The following CAPZA1 variants were observed in gnomAD, a reference collection of about 807,000 sequenced individuals.
The protein encoded by CAPZA1 is capping actin protein of muscle Z-line subunit alpha 1.
A neutral mutation model predicts 40.8 loss-of-function variants in CAPZA1; 10 were observed. That is an observed-to-expected ratio of 0.25 (90% confidence interval 0.15 to 0.42). The LOEUF is 0.42. Ranked by LOEUF, CAPZA1 falls within the 10% of genes least tolerant of loss-of-function variation. The probability of loss-of-function intolerance (pLI) is 1.00; values close to 1 mark genes in which losing one functional copy is unlikely to be tolerated. For synonymous variants in CAPZA1, 98 were observed against 115.0 expected, an observed-to-expected ratio of 0.85 and a Z score of 0.95; for missense variants, 277 against 353.8, an observed-to-expected ratio of 0.78 and a Z score of 1.74.
intron 5 of CAPZA1, 72 bp from the exon 6 acceptor site, chr1:112,658,950 C>CT (rs1671548405): frequency 8.9e-7 from 1 of 1,126,382 alleles, no homozygotes; most frequent in African/African-American, 1.5e-5. Flanking sequence ...TAACACTCTG[C>CT]TTTTGTACAA....
chr1:112,657,111 A>T (rs1671514063), intron 5 of CAPZA1, among the ~76,000 whole-genome samples: 1 of 151,994 alleles, frequency 6.6e-6, no homozygotes, highest in African/African-American at 2.4e-5. Context: ...TGTGTTGGCC[A>T]GGCTGGTCTT....
intron 1 of CAPZA1, among the ~76,000 whole-genome samples, chr1:112,638,472 G>A (rs537719270): frequency 2.6e-5 from 4 of 152,072 alleles, no homozygotes; most frequent in Admixed American, 6.5e-5. Flanking sequence ...CCACCACTAC[G>A]CCCGGCTAGT....
intron 7 of CAPZA1, 139 bp from the exon 8 acceptor site, chr1:112,666,935 C>G (rs189782679): frequency 1.5e-5 from 9 of 599,836 alleles, no homozygotes; most frequent in Admixed American, 6.7e-5. Context: ...TGAATTACCA[C>G]TGCTTATATT....
intron 3 of CAPZA1, among the ~76,000 whole-genome samples, chr1:112,651,386 T>G (rs1671382786): frequency 6.6e-6 from 1 of 152,192 alleles, no homozygotes; most frequent in Admixed American, 6.5e-5. Context: ...GATGAGTAAT[T>G]CCAAGACAAT....
At position 112,654,445 on chromosome 1, in the gene CAPZA1, GT is replaced by G; in HGVS notation, c.220-17del. 1 of 1,551,052 alleles carries G rather than the reference GT, an allele frequency of 6.4e-7. No homozygotes were observed. The highest frequency in any genetic ancestry group is 8.9e-7 in the Non-Finnish European group (1 of 1,129,392). On this transcript the variant is annotated intron_variant, in intron 4 of 9. Coordinates refer to ENST00000263168, the MANE Select transcript of CAPZA1 (RefSeq NM_006135.3). ...TTGTCTTTTTTACAGTTACTCATAT[GT>G]TTAATGATTCTTTGGAAGGTCTTAA...
intron 1 of CAPZA1, among the ~76,000 whole-genome samples, chr1:112,636,235 C>T (rs768883664): frequency 5.9e-5 from 9 of 151,888 alleles, no homozygotes; most frequent in East Asian, 1.9e-4. Context: ...CTTTTCAGTG[C>T]GACTGATTTT....
rs150331048 is a variant in CAPZA1, at chr1:112,660,763, G to A, written c.585+984G>A. Among the ~76,000 whole-genome samples, 576 of 151,656 alleles carry A rather than the reference G, an allele frequency of 3.8e-3. 1 individual carries two copies. The highest frequency in any genetic ancestry group is 0.013 in the African/African-American group (547 of 41,342). On this transcript the variant is annotated intron_variant, in intron 7 of 9. Transcript: ENST00000263168. ...AAGGTCAGAATAGGTACAGGTAACC[G>A]AGAAGATCAGTACCTAATCGTACCT... is the stretch of plus-strand genomic sequence containing the variant.
At position 112,669,562 on chromosome 1, in the gene CAPZA1, A is replaced by C. The variant is rs147970114; in HGVS notation, c.677A>C (p.Lys226Thr). 5.6e-6 allele frequency: 9 copies of C among 1,611,494 alleles called. No individual in the cohort carries two copies. The highest frequency in any genetic ancestry group is 1.3e-5 in the African/African-American group (1 of 75,010). The part of the protein sequence containing the change: ...LTVSNEAQTA[K>T]EFIKIIENAE... ...CATTAGAATGAAGCCCAAACTGCCAAGGAGTTTATTAAAATCATAGAGAAT... is the reference window on the plus strand; with the variant it reads ...CATTAGAATGAAGCCCAAACTGCCACGGAGTTTATTAAAATCATAGAGAAT... The change falls in exon 9 of 10, where the codon AAG (lysine) becomes ACG (threonine). Residue 226 changes from lysine to threonine, a missense_variant. Lys to Thr is a moderately conservative substitution (Grantham distance 78). This residue lies in a region of CAPZA1 where 192 missense variants were observed against 277.2 expected (regional missense o/e 0.69). Transcript: ENST00000263168.
chr1:112,662,912 GTTT>G (rs869197567), intron 7 of CAPZA1, among the ~76,000 whole-genome samples: 1 of 132,170 alleles, frequency 7.6e-6, no homozygotes, highest in African/African-American at 2.8e-5. Flanking sequence ...ATCTGTTGTT[GTTT>G]TTTTAAATAT....
Position 112,637,387 on chromosome 1 carries a change from C to T in CAPZA1, c.40-9823C>T, listed in dbSNP as rs534176080. The stretch of plus-strand genomic sequence containing the variant: ...CATAACAAGTTCTTTTGTTCTGTGT[C>T]AGGGGTTGACAAACTATGGCCAGTG... On this transcript the variant is annotated intron_variant, in intron 1 of 9. Transcript: ENST00000263168. Among the ~76,000 whole-genome samples, 32 of 152,372 alleles carry T rather than the reference C, an allele frequency of 2.1e-4. No homozygotes were observed. The South Asian group carries it at 6.6e-3, about 32-fold the overall frequency.
intron 5 of CAPZA1, among the ~76,000 whole-genome samples, chr1:112,655,783 GAACT>G (rs1557735512): frequency 6.6e-6 from 1 of 151,936 alleles, no homozygotes; most frequent in African/African-American, 2.4e-5. Flanking sequence ...GGCTGGTCTC[GAACT>G]CCTAACATCA....
chr1:112,639,690 C>G (rs925697729), intron 1 of CAPZA1, among the ~76,000 whole-genome samples: 4 of 151,582 alleles, frequency 2.6e-5, no homozygotes, highest in African/African-American at 9.8e-5. Flanking sequence ...TTTATTTCCC[C>G]TTTCATCTTA....
chr1:112,669,703 A>G lies in CAPZA1; in HGVS notation c.720+98A>G. ...CTTGTGTCCTTTAATGTAAATATAC[A>G]TGCTCTTCAGTTTTACTAAATGTGG... On this transcript the variant is annotated intron_variant, in intron 9 of 9. Coordinates refer to ENST00000263168, the MANE Select transcript of CAPZA1 (RefSeq NM_006135.3). 5 of 912,220 alleles carry G rather than the reference A, an allele frequency of 5.5e-6. No homozygotes were observed. In the South Asian group the frequency reaches 7.4e-5, roughly 13 times the overall value. 56.5% of individuals were successfully genotyped at this position (912,220 alleles called of 1,614,324 possible).
At position 112,670,369 on chromosome 1, in the gene CAPZA1, T is replaced by TC. The variant is rs1671806455; in HGVS notation, c.*237_*238insC. On this transcript the variant is annotated 3_prime_UTR_variant, in exon 10 of 10. Coordinates refer to ENST00000263168, the MANE Select transcript of CAPZA1 (RefSeq NM_006135.3). ...ACGTGTAAATCTTTTTTTCTTTTTT[T>TC]TTTTTTTTTTTTGGTTAATTCTGCC... 3 of 413,566 alleles carry TC rather than the reference T, an allele frequency of 7.3e-6. No individual in the cohort carries two copies. The highest frequency in any genetic ancestry group is 8.9e-5 in the East Asian group (2 of 22,384). 25.6% of individuals were successfully genotyped at this position (413,566 alleles called of 1,614,324 possible).
At chr1:112,640,202 C>T (rs1671119772) in intron 1 of CAPZA1, among the ~76,000 whole-genome samples, 1 of 124,202 alleles carries the variant, frequency 8.1e-6, no homozygotes, top group Non-Finnish European at 1.7e-5. Flanking sequence ...GGGTCAGCCC[C>T]CCGCCCGGCC....
At chr1:112,643,844 G>A (rs1671228619) in intron 1 of CAPZA1, among the ~76,000 whole-genome samples, 1 of 152,024 alleles carries the variant, frequency 6.6e-6, no homozygotes, top group African/African-American at 2.4e-5. Flanking sequence ...AAGTATTTCT[G>A]TTTTGTTTAT....
Position 112,619,865 on chromosome 1 carries a change from T to G in CAPZA1, c.21T>G (p.Arg7=), listed in dbSNP as rs372337838. The change falls in exon 1 of 10, where the codon CGT becomes CGG. Residue 7 remains arginine, a synonymous_variant. Coordinates refer to ENST00000263168, the MANE Select transcript of CAPZA1 (RefSeq NM_006135.3). ...CCAAGATGGCCGACTTCGATGATCG[T>G]GTGTCGGATGAGGAGAAGGTAAGGG... is the stretch of plus-strand genomic sequence containing the variant. MADFDD[R]VSDEEKVRIA... is the part of the protein sequence containing the mutation. 8 of 1,612,698 alleles carry G rather than the reference T, an allele frequency of 5.0e-6. No individual in the cohort carries two copies. The highest frequency in any genetic ancestry group is 2.7e-5 in the African/African-American group (2 of 74,890).
intron 1 of CAPZA1, among the ~76,000 whole-genome samples, chr1:112,623,041 A>G (rs1458044824): frequency 6.6e-6 from 1 of 151,942 alleles, no homozygotes; most frequent in Non-Finnish European, 1.5e-5. Context: ...ACCTGCCACC[A>G]CACCCGGCTA....
chr1:112,646,452 C>T (rs1321111933), intron 1 of CAPZA1, among the ~76,000 whole-genome samples: 2 of 152,204 alleles, frequency 1.3e-5, no homozygotes, highest in Non-Finnish European at 2.9e-5. Flanking sequence ...TGGCACATGC[C>T]TGTGGCCCCA....
Sources: gnomAD v4.1 joint callset for allele counts (sites outside exome capture counted in the v4.1 genomes callset) on GRCh38, gnomAD v4.1.1 for gene constraint, gnomAD v4.1.1 regional missense constraint, MANE v1.5 for transcripts, NCBI Gene and HGNC (gene_info 2026-07-23, HGNC 2026-07-21) for gene names.